Variants in ELL observed in about 807,000 individuals in gnomAD.
The protein encoded by ELL is RNA polymerase II elongation factor ELL.
Under a neutral mutation model 64.0 loss-of-function variants are expected in ELL, and 18 were observed. That is an observed-to-expected ratio of 0.28 (90% CI 0.19 to 0.42). The LOEUF (loss-of-function observed/expected upper bound fraction) is 0.42. ELL is among the 10% of genes least tolerant of loss of function. ELL has a pLI of 1.00. For missense variants in ELL, 797 were observed against 870.4 expected (o/e 0.92, Z 1.06); for synonymous variants, 399 against 376.2 (o/e 1.06, Z -0.70).
In ELL at chr19:18,443,620, G is replaced by A. The variant is rs1376987688; in HGVS notation, c.*1132C>T. On this transcript the variant is annotated 3_prime_UTR_variant, in exon 12 of 12. Transcript: ENST00000262809. ...CACACCCACACTTGCGTGGCCCCCC[G>A]ATGCTTTGGGGGACACTAGACTAGG... 5 of 233,306 alleles carry A rather than the reference G, an allele frequency of 2.1e-5. No individual in the cohort carries two copies. Among genetic ancestry groups the A allele is most frequent in the East Asian group, 1.2e-4 (2 of 16,566 alleles). 14.5% of individuals were successfully genotyped at this position (233,306 alleles called of 1,614,324 possible).
chr19:18,477,036 G>A (rs1426841473), intron 1 of ELL, among the ~76,000 whole-genome samples: 1 of 152,230 alleles, frequency 6.6e-6, no homozygotes, highest in Non-Finnish European at 1.5e-5. Context: ...GGGGGAAAAT[G>A]AGTCGGCACA....
At chr19:18,521,465 G>A (rs1009543585) in intron 1 of ELL, among the ~76,000 whole-genome samples, 5 of 151,822 alleles carry the variant, frequency 3.3e-5, no homozygotes, top group African/African-American at 9.7e-5. Flanking sequence ...TTCCCAGGAG[G>A]ACAGACACAG....
intron 7 of ELL, 58 bp from the exon 8 acceptor site, chr19:18,451,033 G>T (rs995537718): frequency 3.4e-6 from 5 of 1,471,920 alleles, no homozygotes; most frequent in Non-Finnish European, 2.7e-6. Flanking sequence ...GCAGCAACAG[G>T]CAATCCCCTG....
chr19:18,509,582 T>TGCGCGCGCGCGCGC (rs138250487), intron 1 of ELL, among the ~76,000 whole-genome samples: 48 of 95,546 alleles, frequency 5.0e-4, no homozygotes, highest in Non-Finnish European at 4.6e-4. Flanking sequence ...CCAATGCACG[T>TGCGCGCGCGCGCGC]GCGCGCGCGC....
intron 6 of ELL, among the ~76,000 whole-genome samples, chr19:18,454,541 GT>G (rs534365490): frequency 3.9e-4 from 59 of 150,930 alleles, no homozygotes; most frequent in South Asian, 1.5e-3. Context: ...CTTAGAGTAG[GT>G]TAAAAATGAC....
chr19:18,445,481 G>C, intron 10 of ELL: 1 of 537,922 alleles, frequency 1.9e-6, no homozygotes, highest in Middle Eastern at 4.6e-4. Context: ...GGAGGCAATA[G>C]CAGGTGGGGC....
intron 2 of ELL, chr19:18,471,301 A>G (rs373094403): frequency 1.2e-5 from 5 of 402,148 alleles, no homozygotes; most frequent in African/African-American, 6.2e-5. Flanking sequence ...CTTGAGCCCA[A>G]GAGTTCAAAG....
At chr19:18,489,936 C>G (rs982020664) in intron 1 of ELL, among the ~76,000 whole-genome samples, 1 of 152,156 alleles carries the variant, frequency 6.6e-6, no homozygotes, top group Non-Finnish European at 1.5e-5. Flanking sequence ...AATAAGGGCC[C>G]AGACGCGCAC....
At chr19:18,491,750 A>G (rs1600483590) in intron 1 of ELL, among the ~76,000 whole-genome samples, 1 of 151,684 alleles carries the variant, frequency 6.6e-6, no homozygotes, top group East Asian at 1.9e-4. Context: ...CCCTGTCTCT[A>G]CAAAAAAAAA....
rs890192579 is a variant in ELL at position 18,461,945 on chromosome 19, T to G, written c.470-93A>C. On this transcript the variant is annotated intron_variant, in intron 4 of 11. Transcript: ENST00000262809. ...CCAGGTGCCCAGAGGTTTGAGACTA[T>G]AGACAGTGCTGGTGGGAGGCACCAC... 5.4e-6 allele frequency: 8 copies of G among 1,479,280 alleles called. No homozygotes were observed. In the East Asian group the frequency reaches 1.8e-4, roughly 34 times the overall value. 91.6% of individuals were successfully genotyped at this position (1,479,280 alleles called of 1,614,324 possible).
chr19:18,511,720 A>G (rs1399493862), intron 1 of ELL, among the ~76,000 whole-genome samples: 1 of 152,106 alleles, frequency 6.6e-6, no homozygotes, highest in Non-Finnish European at 1.5e-5. Context: ...GAAAATTGCT[A>G]AAGAAACCAG....
intron 1 of ELL, among the ~76,000 whole-genome samples, chr19:18,509,534 CCTAAGGTCTCCAGGGTGA>C (rs1568399548): frequency 2.6e-5 from 4 of 151,412 alleles, no homozygotes. Flanking sequence ...AGGGGCCCAA[CCTAAGGTCTCCAGGGTGA>C]ACACAGATGG....
intron 1 of ELL, among the ~76,000 whole-genome samples, chr19:18,503,086 T>C (rs1370383131): frequency 6.6e-6 from 1 of 152,132 alleles, no homozygotes; most frequent in Admixed American, 6.5e-5. Flanking sequence ...TTACAGCTGG[T>C]TTAATGTGGT....
chr19:18,465,894 A>G lies in ELL; in HGVS notation c.208T>C (p.Cys70Arg). Residue 70 changes from cysteine to arginine, a missense_variant, in exon 3 of 12, where the codon TGC (cysteine) becomes CGC (arginine). Physicochemically the swap from Cys to Arg is radical, Grantham distance 180. Transcript: ENST00000262809. ...GAGAACGTCCGCGCCTCTGCGGGGC[A>G]GTCAGGCTGGGGGATGGAGATGTGC... ...QGHISIPQPD[C>R]PAEARTFSFY... 1 of 1,326,450 alleles carries G rather than the reference A, an allele frequency of 7.5e-7. No homozygotes were observed. Among genetic ancestry groups the G allele is most frequent in the Non-Finnish European group, 9.7e-7 (1 of 1,029,740 alleles). The allele number at this position is 1,326,450 out of a possible 1,614,324, so 82.2% of individuals were successfully genotyped here.
At chr19:18,494,097 C>T (rs954095912) in intron 1 of ELL, among the ~76,000 whole-genome samples, 2 of 152,026 alleles carry the variant, frequency 1.3e-5, no homozygotes, top group Non-Finnish European at 2.9e-5. Context: ...CAGAGTGAAT[C>T]GCCACAAAAA....
intron 1 of ELL, among the ~76,000 whole-genome samples, chr19:18,507,089 C>G (rs1343879226): frequency 6.6e-6 from 1 of 152,190 alleles, no homozygotes; most frequent in East Asian, 1.9e-4. Flanking sequence ...CTGGCTGTCC[C>G]CTCCCACTTG....
chr19:18,450,720 C>T lies in ELL; in HGVS notation c.1222G>A (p.Gly408Ser), dbSNP rs1406253473. The change falls in exon 8 of 12, where the codon GGC becomes AGC. Residue 408 changes from glycine to serine, a missense_variant. Coordinates refer to ENST00000262809, the MANE Select transcript of ELL (RefSeq NM_006532.4). ...ADVSNDLGHS[G>S]RDCEHGEAAA... ...GCCTCTCCGTGCTCACAGTCTCGGC[C>T]GCTGTGGCCCAGGTCATTGCTGACA... 5.7e-6 allele frequency: 9 copies of T among 1,585,310 alleles called. No individual in the cohort carries two copies. The highest frequency in any genetic ancestry group is 4.6e-5 in the East Asian group (2 of 43,754).
intron 6 of ELL, among the ~76,000 whole-genome samples, chr19:18,451,922 C>A (rs745975880): frequency 6.6e-6 from 1 of 152,216 alleles, no homozygotes; most frequent in Non-Finnish European, 1.5e-5. Context: ...CAGGGACACA[C>A]GCTAGGGTGC....
chr19:18,461,640 G>C lies in ELL; in HGVS notation c.682C>G (p.Arg228Gly). The change falls in exon 5 of 12, where the codon CGA (arginine) becomes GGA (glycine). Residue 228 changes from arginine to glycine, a missense_variant. By Grantham distance (125) the Arg-to-Gly change is moderately radical. Coordinates refer to ENST00000262809, the MANE Select transcript of ELL (RefSeq NM_006532.4). ...RPYRKAELLLRLQKDGLTQAD... is the reference protein window; with the variant it reads ...RPYRKAELLLGLQKDGLTQAD... ...TGCGTCAGGCCGTCCTTCTGCAGTC[G>C]CAGCAGCAGCTCAGCCTTGCGGTAG... is the stretch of plus-strand genomic sequence containing the variant. 1 of 1,611,576 alleles carries C rather than the reference G, an allele frequency of 6.2e-7. No individual in the cohort carries two copies. Among genetic ancestry groups the C allele is most frequent in the Non-Finnish European group, 8.5e-7 (1 of 1,179,944 alleles).
Sources: allele counts gnomAD v4.1 joint callset (sites outside exome capture counted in the v4.1 genomes callset), GRCh38; gene constraint gnomAD v4.1.1; transcripts MANE v1.5; gene names NCBI Gene and HGNC (gene_info 2026-07-23, HGNC 2026-07-21).